The following CEP128 variants were observed in gnomAD, a reference collection of about 807,000 sequenced individuals.
CEP128 encodes the protein centrosomal protein 128.
A neutral mutation model predicts 156.7 loss-of-function variants in CEP128; 132 were observed. That is an observed-to-expected ratio of 0.84 (90% CI 0.73 to 0.97). CEP128 has a LOEUF of 0.97. CEP128 is among the 50% of genes least tolerant of loss of function. The pLI is 0.00. For synonymous variants in CEP128, 469 were observed against 448.9 expected (o/e 1.04, Z -0.57); for missense variants, 1,252 against 1,281.9 (o/e 0.98, Z 0.36).
intron 2 of CEP128, among the ~76,000 whole-genome samples, chr14:80,951,476 C>G (rs529819956): frequency 1.3e-5 from 2 of 152,132 alleles, no homozygotes; most frequent in East Asian, 3.9e-4. Context: ...AACGTACATG[C>G]TATAAACCTT....
At chr14:80,880,877 T>TAA (rs1365192901) in intron 8 of CEP128, among the ~76,000 whole-genome samples, 1 of 128,262 alleles carries the variant, frequency 7.8e-6, no homozygotes, top group Non-Finnish European at 1.6e-5. Flanking sequence ...ATAATAATAA[T>TAA]AATAATAATA....
Position 80,928,733 on chromosome 14 carries a change from G to T in CEP128, c.-16+10652C>A, listed in dbSNP as rs191436586. On this transcript the variant is annotated intron_variant, in intron 2 of 24. Coordinates refer to ENST00000555265, the MANE Select transcript of CEP128 (RefSeq NM_152446.5). ...CACTCTCCATATACATAATTAACTC[G>T]AGATGGATTAAAGATTTAAATCTAA... is the stretch of plus-strand genomic sequence containing the variant. Among the ~76,000 whole-genome samples, 11 of 152,158 alleles carry T rather than the reference G, an allele frequency of 7.2e-5. No individual in the cohort carries two copies. In the East Asian group the frequency reaches 2.1e-3, roughly 29 times the overall value.
chr14:80,758,914 T>C (rs1899815492), intron 17 of CEP128, among the ~76,000 whole-genome samples: 1 of 152,206 alleles, frequency 6.6e-6, no homozygotes, highest in African/African-American at 2.4e-5. Context: ...AGGTCATATA[T>C]TAGAAATTTG....
rs183406196 is a variant in CEP128 at position 80,748,124 on chromosome 14, C to T, written c.2614-4857G>A. On this transcript the variant is annotated intron_variant, in intron 18 of 24. Transcript: ENST00000555265. ...TCTATGAATAAACGAGACCTGGCTACGCAATTTATAGGCCTCTGTCTTGTC... is the reference window on the plus strand; with the variant it reads ...TCTATGAATAAACGAGACCTGGCTATGCAATTTATAGGCCTCTGTCTTGTC... Among the ~76,000 whole-genome samples the T allele has an allele frequency of 1.8e-3, 270 of 152,240 alleles. 1 individual carries two copies. Among genetic ancestry groups the T allele is most frequent in the Non-Finnish European group, 3.1e-3 (210 of 68,020 alleles).
intron 22 of CEP128, among the ~76,000 whole-genome samples, chr14:80,530,481 CA>C (rs1482207643): frequency 6.6e-6 from 1 of 152,060 alleles, no homozygotes; most frequent in Non-Finnish European, 1.5e-5. Flanking sequence ...AATTGCTAAC[CA>C]AAAAAGTTAT....
At chr14:80,891,147 G>A (rs775878976) in intron 8 of CEP128, among the ~76,000 whole-genome samples, 1 of 152,152 alleles carries the variant, frequency 6.6e-6, no homozygotes, top group African/African-American at 2.4e-5. Flanking sequence ...CAGTATGGAG[G>A]ATCCTCAAAA....
At chr14:80,563,567 C>T (rs371519090) in intron 20 of CEP128, among the ~76,000 whole-genome samples, 6 of 107,314 alleles carry the variant, frequency 5.6e-5, no homozygotes, top group African/African-American at 1.5e-4. Flanking sequence ...GAATCTCACT[C>T]TTGTCGCCCA....
intron 2 of CEP128, among the ~76,000 whole-genome samples, chr14:80,920,551 T>G (rs2139526819): frequency 6.6e-6 from 1 of 152,334 alleles, no homozygotes; most frequent in Non-Finnish European, 1.5e-5. Context: ...AATAGTAATA[T>G]CACTGGCATT....
At chr14:80,562,783 C>A (rs1323738553) in intron 20 of CEP128, among the ~76,000 whole-genome samples, 1 of 150,650 alleles carries the variant, frequency 6.6e-6, no homozygotes, top group Non-Finnish European at 1.5e-5. Flanking sequence ...ACCTCAGCAT[C>A]CCAAGTAACC....
upstream of CEP128, among the ~76,000 whole-genome samples, chr14:80,946,624 C>G (rs1886350452): frequency 2.0e-5 from 3 of 152,008 alleles, no homozygotes; most frequent in Non-Finnish European, 2.9e-5. Flanking sequence ...ATTGACATGA[C>G]CATCCTAACC....
intron 8 of CEP128, among the ~76,000 whole-genome samples, chr14:80,870,742 C>A (rs1489962247): frequency 6.6e-6 from 1 of 151,434 alleles, no homozygotes; most frequent in Non-Finnish European, 1.5e-5. Context: ...AAGGTCCTGG[C>A]CAAAGCAAGT....
At chr14:80,628,854 C>T (rs112759011) in intron 19 of CEP128, among the ~76,000 whole-genome samples, 146 of 124,530 alleles carry the variant, frequency 1.2e-3, no homozygotes, top group African/African-American at 5.1e-3. Context: ...ATAGTCACTT[C>T]TTACAGGCAG....
chr14:80,818,428 C>A (rs1188765890), intron 13 of CEP128, among the ~76,000 whole-genome samples: 3 of 152,364 alleles, frequency 2.0e-5, no homozygotes, highest in Middle Eastern at 6.8e-3. Flanking sequence ...ATTAGCCTTA[C>A]AAGGAATACC....
downstream of CEP128, among the ~76,000 whole-genome samples, chr14:80,494,006 A>C (rs1172349349): frequency 6.6e-6 from 1 of 152,224 alleles, no homozygotes; most frequent in Admixed American, 6.5e-5. Context: ...CATTTCTTCC[A>C]GCCTTAAATT....
chr14:80,510,483 A>C lies in CEP128; in HGVS notation c.3073-5463T>G, dbSNP rs184623311. Among the ~76,000 whole-genome samples, 372 of 152,232 alleles carry C rather than the reference A, an allele frequency of 2.4e-3. 4 individuals are homozygous for C. Among genetic ancestry groups the C allele is most frequent in the African/African-American group, 8.4e-3 (351 of 41,570 alleles). ...TGTAGGTTTTGTATCCTTCAAATTT[A>C]CTGAATTGGTTTATCAGTTCTAATA... On this transcript the variant is annotated intron_variant, in intron 23 of 24. Coordinates refer to ENST00000555265, the MANE Select transcript of CEP128 (RefSeq NM_152446.5).
chr14:80,770,221 T>C (rs1203803209), intron 16 of CEP128, among the ~76,000 whole-genome samples: 1 of 152,228 alleles, frequency 6.6e-6, no homozygotes, highest in Non-Finnish European at 1.5e-5. Context: ...CTCCTGTAAT[T>C]CACTTAAAAT....
intron 2 of CEP128, among the ~76,000 whole-genome samples, chr14:80,953,145 C>T (rs961702444): frequency 6.6e-6 from 1 of 152,160 alleles, no homozygotes; most frequent in Non-Finnish European, 1.5e-5. Context: ...CCAACTTATT[C>T]TGTGATGGAA....
chr14:80,550,281 T>C (rs1890158747), intron 21 of CEP128, among the ~76,000 whole-genome samples: 1 of 152,302 alleles, frequency 6.6e-6, no homozygotes, highest in East Asian at 1.9e-4. Flanking sequence ...CAACTACTAA[T>C]TACACATTTG....
intron 21 of CEP128, among the ~76,000 whole-genome samples, chr14:80,549,931 C>CA (rs1196461671): frequency 6.6e-6 from 1 of 152,188 alleles, no homozygotes; most frequent in Non-Finnish European, 1.5e-5. Flanking sequence ...GTGTCTATGA[C>CA]ATTACTTAGT....
Sources: gnomAD v4.1 joint callset for allele counts (sites outside exome capture counted in the v4.1 genomes callset) on GRCh38, gnomAD v4.1.1 for gene constraint, MANE v1.5 for transcripts, NCBI Gene and HGNC (gene_info 2026-07-23, HGNC 2026-07-21) for gene names.